The following RGS7BP variants were observed in gnomAD, a reference collection of about 807,000 sequenced individuals.
The protein encoded by RGS7BP is regulator of G protein signaling 7 binding protein.
In RGS7BP, 9 loss-of-function variants were observed where a neutral mutation model predicts 31.3. The observed-to-expected ratio is 0.29, with a 90% CI of 0.17 to 0.50. The LOEUF (loss-of-function observed/expected upper bound fraction) is 0.50, where lower values mean the gene tolerates loss of function less well. Ranked by LOEUF, RGS7BP falls within the 20% of genes least tolerant of loss-of-function variation. RGS7BP has a pLI of 0.98. For synonymous variants in RGS7BP, 115 were observed against 120.1 expected (o/e 0.96, Z 0.28); for missense variants, 274 against 322.0 (o/e 0.85, Z 1.14).
rs578009114 is a variant in RGS7BP at position 64,506,969 on chromosome 5, T to G, written c.165+180T>G. Among the ~76,000 whole-genome samples the G allele has an allele frequency of 4.4e-3, 677 of 152,274 alleles. 5 individuals are homozygous for G. The highest frequency in any genetic ancestry group is 0.016 in the African/African-American group (654 of 41,568). ...GTCCCCCAAATTCAGGGTGACACCC[T>G]GGTCGTAATAACCCTGCAGAAAGAA... On this transcript the variant is annotated intron_variant, in intron 1 of 5. Transcript: ENST00000334025. The surrounding 1 kb of genome is among the most constrained non-coding windows in gnomAD (Gnocchi z 4.6).
intron 2 of RGS7BP, among the ~76,000 whole-genome samples, chr5:64,525,940 C>T (rs1017172148): frequency 3.9e-5 from 6 of 152,082 alleles, no homozygotes; most frequent in Non-Finnish European, 7.4e-5. Context: ...AGCAGGAAGC[C>T]CCCAGGAGCA....
At chr5:64,567,372 C>A (rs1235496346) in intron 2 of RGS7BP, among the ~76,000 whole-genome samples, 1 of 152,078 alleles carries the variant, frequency 6.6e-6, no homozygotes, top group East Asian at 1.9e-4. Flanking sequence ...AAATATTGAT[C>A]AACATGTTGT....
chr5:64,608,849 A>T (rs1487869224), intron 5 of RGS7BP, among the ~76,000 whole-genome samples: 1 of 152,012 alleles, frequency 6.6e-6, no homozygotes, highest in African/African-American at 2.4e-5. Context: ...ATTCAATTTT[A>T]AGCAGTGGTT....
intron 5 of RGS7BP, among the ~76,000 whole-genome samples, chr5:64,607,781 A>C (rs539113126): frequency 1.3e-5 from 2 of 152,012 alleles, no homozygotes; most frequent in African/African-American, 4.8e-5. Context: ...AAGAATGTTC[A>C]ACTGCCTCTT....
At chr5:64,519,883 A>T (rs2111896278) in intron 2 of RGS7BP, among the ~76,000 whole-genome samples, 1 of 152,150 alleles carries the variant, frequency 6.6e-6, no homozygotes, top group East Asian at 1.9e-4. Context: ...CTCATCATAG[A>T]GCCAACTGTG....
At chr5:64,603,388 C>G (rs1037473904) in intron 5 of RGS7BP, among the ~76,000 whole-genome samples, 1 of 152,102 alleles carries the variant, frequency 6.6e-6, no homozygotes, top group African/African-American at 2.4e-5. Context: ...GAGCAGTGCT[C>G]AGTGGTTAAT....
intron 2 of RGS7BP, among the ~76,000 whole-genome samples, chr5:64,538,546 CTTTTTTTTTTTTTT>C (rs1191560944): frequency 5.0e-5 from 2 of 40,026 alleles, no homozygotes; most frequent in African/African-American, 1.1e-4. Context: ...TTTTCCTTTT[CTTTTTTTTTTTTTT>C]TTTTTTTTTT....
intron 2 of RGS7BP, among the ~76,000 whole-genome samples, chr5:64,547,830 A>T (rs1287734932): frequency 6.6e-6 from 1 of 152,062 alleles, no homozygotes; most frequent in Non-Finnish European, 1.5e-5. Flanking sequence ...TCCTCTTCTC[A>T]TTTTTATTTG....
At chr5:64,536,966 C>A (rs1741391838) in intron 2 of RGS7BP, among the ~76,000 whole-genome samples, 2 of 152,332 alleles carry the variant, frequency 1.3e-5, no homozygotes, top group South Asian at 4.1e-4. Flanking sequence ...CAGAATGATT[C>A]TGCACTAGGT....
intron 2 of RGS7BP, among the ~76,000 whole-genome samples, chr5:64,522,498 C>T (rs1348499728): frequency 1.3e-5 from 2 of 152,154 alleles, no homozygotes; most frequent in Admixed American, 6.5e-5. Flanking sequence ...CATGTCTTTC[C>T]ACCATAAGTC....
At chr5:64,556,417 C>CCACACACACACACA (rs10624566) in intron 2 of RGS7BP, among the ~76,000 whole-genome samples, 3 of 125,398 alleles carry the variant, frequency 2.4e-5, no homozygotes, top group Admixed American at 8.4e-5. Context: ...TCTTCCCCAG[C>CCACACACACACACA]CACACACACA....
chr5:64,557,967 C>T (rs1741967271), intron 2 of RGS7BP, among the ~76,000 whole-genome samples: 2 of 152,044 alleles, frequency 1.3e-5, no homozygotes, highest in African/African-American at 4.8e-5. Context: ...AGGATAAAAC[C>T]TTGCACAGTA....
At chr5:64,510,728 TGTC>T (rs889502419) in intron 2 of RGS7BP, among the ~76,000 whole-genome samples, 5 of 152,254 alleles carry the variant, frequency 3.3e-5, no homozygotes, top group African/African-American at 1.2e-4. Context: ...AGAAAGGTAT[TGTC>T]ATCATCACCG....
chr5:64,604,985 C>T (rs377343529), intron 5 of RGS7BP, among the ~76,000 whole-genome samples: 3 of 151,738 alleles, frequency 2.0e-5, no homozygotes, highest in Non-Finnish European at 4.4e-5. Flanking sequence ...GTCTGGGCAA[C>T]GTAATGAAAC....
In RGS7BP at chr5:64,533,116, A is replaced by T. The variant is rs118075873; in HGVS notation, c.332+25239A>T. ...CCCTCTTGCTATGGCCCAGGTGATG[A>T]CCATACCAGCTTCTCAGTTGGACCA... On this transcript the variant is annotated intron_variant, in intron 2 of 5. Coordinates refer to ENST00000334025, the MANE Select transcript of RGS7BP (RefSeq NM_001029875.3). 4.0e-4 allele frequency among the ~76,000 whole-genome samples: 61 copies of T among 152,192 alleles called. 1 individual carries two copies. In the East Asian group the frequency reaches 0.011, roughly 28 times the overall value.
At chr5:64,588,942 A>AATATC (rs1324012230) in intron 3 of RGS7BP, among the ~76,000 whole-genome samples, 1 of 152,218 alleles carries the variant, frequency 6.6e-6, no homozygotes, top group Non-Finnish European at 1.5e-5. Context: ...AAAAAAAATA[A>AATATC]ATATCTAAAG....
In RGS7BP at chr5:64,507,707, C is replaced by T. The variant is rs780465459; in HGVS notation, c.166-4C>T. 2 of 1,553,220 alleles carry T rather than the reference C, an allele frequency of 1.3e-6. No homozygotes were observed. Among genetic ancestry groups the T allele is most frequent in the South Asian group, 2.4e-5 (2 of 83,326 alleles). ...AAAAAAAAAAAAACTCACTTCTTTT[C>T]CAGCTTGTCCAAGAGTTCAACACAC... On this transcript the variant is annotated splice_region_variant and splice_polypyrimidine_tract_variant and intron_variant, in intron 1 of 5. Coordinates refer to ENST00000334025, the MANE Select transcript of RGS7BP (RefSeq NM_001029875.3).
chr5:64,522,455 T>C (rs1224370066), intron 2 of RGS7BP, among the ~76,000 whole-genome samples: 1 of 152,158 alleles, frequency 6.6e-6, no homozygotes, highest in Admixed American at 6.5e-5. Flanking sequence ...TTGAAGGAGA[T>C]TGCTGTCTCC....
At chr5:64,566,399 T>G (rs990942883) in intron 2 of RGS7BP, among the ~76,000 whole-genome samples, 1 of 151,898 alleles carries the variant, frequency 6.6e-6, no homozygotes, top group African/African-American at 2.4e-5. Context: ...AGAGAGAGAA[T>G]TCAGGGCAGG....
Sources: allele counts gnomAD v4.1 joint callset (sites outside exome capture counted in the v4.1 genomes callset), GRCh38; gene constraint gnomAD v4.1.1; non-coding constraint Gnocchi (gnomAD v3.1); transcripts MANE v1.5; gene names NCBI Gene and HGNC (gene_info 2026-07-23, HGNC 2026-07-21).